ZNF800: variants seen among roughly 807,000 people sequenced by gnomAD.
The protein encoded by ZNF800 is zinc finger protein 800.
In ZNF800, 13 loss-of-function variants were observed where a neutral mutation model predicts 59.5. The observed-to-expected ratio is 0.22, with a 90% CI of 0.14 to 0.35. The LOEUF is 0.35. Ranked by LOEUF, ZNF800 falls within the 10% of genes least tolerant of loss-of-function variation. ZNF800 has a pLI of 1.00. For synonymous variants in ZNF800, 266 were observed against 265.7 expected (o/e 1.00, Z -0.01); for missense variants, 621 against 783.7 (o/e 0.79, Z 2.48).
At chr7:127,344,536 C>T (rs368889756), downstream of ZNF800, among the ~76,000 whole-genome samples, 129 of 151,522 alleles carry the variant, frequency 8.5e-4, no homozygotes, top group African/African-American at 2.5e-3. Flanking sequence ...AGCTTATCTG[C>T]GAGAATACAT....
chr7:127,375,582 G>C (rs150114187), intron 4 of ZNF800, among the ~76,000 whole-genome samples: 1 of 152,124 alleles, frequency 6.6e-6, no homozygotes, highest in African/African-American at 2.4e-5. Context: ...GGGATGATGT[G>C]TAGAAGTATT....
At chr7:127,368,477 A>G (rs1250047615), downstream of ZNF800, among the ~76,000 whole-genome samples, 5 of 152,322 alleles carry the variant, frequency 3.3e-5, no homozygotes, top group African/African-American at 1.2e-4. Flanking sequence ...AGCCATGGCT[A>G]AATCATAATC....
At position 127,370,163 on chromosome 7, in the gene ZNF800, T is replaced by C. The variant is rs1800596345; in HGVS notation, c.*1651A>G. 6.6e-6 allele frequency: 1 copy of C among 152,194 alleles called. No individual in the cohort carries two copies. 9.4% of individuals were successfully genotyped at this position (152,194 alleles called of 1,614,324 possible). A position where few individuals can be genotyped will look rare whatever the true frequency, so the allele number is the denominator to read the frequency against. ...CTATTAGTTATTAAAGTTAGATCTA[T>C]AAGTACAAATTTTCAATATGTGGGA... On this transcript the variant is annotated 3_prime_UTR_variant, in exon 6 of 6. Transcript: ENST00000265827.
At chr7:127,358,044 C>T (rs1342034830) in intron 1 of ZNF800, among the ~76,000 whole-genome samples, 2 of 151,990 alleles carry the variant, frequency 1.3e-5, no homozygotes, top group Admixed American at 1.3e-4. Flanking sequence ...ATACTAATGA[C>T]TTCTAAATCT....
rs28559728 is a variant in ZNF800, at chr7:127,373,247, G to A, written c.1994+95C>T. On this transcript the variant is annotated intron_variant, in intron 5 of 5. Transcript: ENST00000265827. Reference sequence around the variant, plus strand: ...TGCCATGAGATATATGGAAGCAAACGTGTTAAAATGGAACCAGCTATAAAT... The same window carrying A: ...TGCCATGAGATATATGGAAGCAAACATGTTAAAATGGAACCAGCTATAAAT... The A allele has an allele frequency of 6.4e-4, 959 of 1,507,216 alleles. 5 individuals carry two copies. In the African/African-American group the frequency reaches 0.011, roughly 17 times the overall value. 93.4% of individuals were successfully genotyped at this position (1,507,216 alleles called of 1,614,324 possible). A position where few individuals can be genotyped will look rare whatever the true frequency, so the allele number is the denominator to read the frequency against.
intron 1 of ZNF800, among the ~76,000 whole-genome samples, chr7:127,355,440 G>C (rs117479436): frequency 6.6e-6 from 1 of 152,056 alleles, no homozygotes; most frequent in African/African-American, 2.4e-5. Flanking sequence ...AATTAATAAC[G>C]CAATAATAAC....
chr7:127,375,920 C>T (rs1242212604), intron 4 of ZNF800, among the ~76,000 whole-genome samples: 1 of 151,890 alleles, frequency 6.6e-6, no homozygotes, highest in African/African-American at 2.4e-5. Flanking sequence ...AAGAAAAATA[C>T]TTTCACAAAA....
At chr7:127,381,222 C>T (rs1160869362) in intron 3 of ZNF800, among the ~76,000 whole-genome samples, 5 of 152,118 alleles carry the variant, frequency 3.3e-5, no homozygotes, top group Admixed American at 6.5e-5. Flanking sequence ...ATACTGCTTG[C>T]TTACTATTGG....
At chr7:127,356,185 C>A (rs976733163) in intron 1 of ZNF800, among the ~76,000 whole-genome samples, 3 of 151,866 alleles carry the variant, frequency 2.0e-5, no homozygotes, top group African/African-American at 7.3e-5. Context: ...GATGTATAAC[C>A]ACTTAACTTC....
intron 1 of ZNF800, among the ~76,000 whole-genome samples, chr7:127,354,855 T>C (rs373304167): frequency 1.3e-5 from 2 of 152,264 alleles, no homozygotes; most frequent in South Asian, 2.1e-4. Flanking sequence ...AACAGAATTA[T>C]GGCTCAATCG....
intron 3 of ZNF800, among the ~76,000 whole-genome samples, chr7:127,378,739 A>G (rs1800863281): frequency 1.3e-5 from 2 of 152,060 alleles, no homozygotes; most frequent in Admixed American, 1.3e-4. Flanking sequence ...ACAGAGAGAG[A>G]GAGAGAGGGA....
intron 1 of ZNF800, chr7:127,361,051 C>T (rs544877670): frequency 2.0e-5 from 3 of 152,158 alleles, no homozygotes; most frequent in Non-Finnish European, 4.4e-5. Context: ...TGCCTTCAAG[C>T]GCCTTTTTCA....
chr7:127,371,855 T>C (rs1220842503), intron 5 of ZNF800, 41 bp from the exon 6 acceptor site: 8 of 742,242 alleles, frequency 1.1e-5, no homozygotes, highest in Non-Finnish European at 1.7e-5. Context: ...TTGAGTTTAC[T>C]AATAAAACCT....
downstream of ZNF800, among the ~76,000 whole-genome samples, chr7:127,344,361 C>T (rs917472637): frequency 1.3e-5 from 2 of 151,940 alleles, no homozygotes; most frequent in Non-Finnish European, 2.9e-5. Context: ...TACTAAAGAA[C>T]ATTTGGAGAT....
At chr7:127,381,560 T>C (rs1205736293) in intron 3 of ZNF800, among the ~76,000 whole-genome samples, 1 of 152,100 alleles carries the variant, frequency 6.6e-6, no homozygotes, top group African/African-American at 2.4e-5. Flanking sequence ...CAAACACTTA[T>C]TGAGCACACA....
At chr7:127,355,444 T>C (rs1015670800) in intron 1 of ZNF800, among the ~76,000 whole-genome samples, 1 of 151,922 alleles carries the variant, frequency 6.6e-6, no homozygotes, top group Non-Finnish European at 1.5e-5. Context: ...AATAACGCAA[T>C]AATAACACAA....
intron 5 of ZNF800, among the ~76,000 whole-genome samples, chr7:127,372,073 TAGA>T (rs1158278946): frequency 6.6e-6 from 1 of 152,226 alleles, no homozygotes; most frequent in Non-Finnish European, 1.5e-5. Context: ...GACACAGGTA[TAGA>T]AGGTGAACTT....
At chr7:127,350,069 T>C (rs1195360494) in intron 1 of ZNF800, 1 of 152,218 alleles carries the variant, frequency 6.6e-6, no homozygotes, top group Admixed American at 6.5e-5. Context: ...CTCGCCATTG[T>C]CGTGTCAAAG....
intron 1 of ZNF800, among the ~76,000 whole-genome samples, chr7:127,348,557 A>G (rs1800114051): frequency 6.6e-6 from 1 of 152,260 alleles, no homozygotes; most frequent in Non-Finnish European, 1.5e-5. Context: ...ATGATATGGA[A>G]AAGAATTGAT....
Sources: gnomAD v4.1 joint callset for allele counts (sites outside exome capture counted in the v4.1 genomes callset) on GRCh38, gnomAD v4.1.1 for gene constraint, MANE v1.5 for transcripts, NCBI Gene and HGNC (gene_info 2026-07-23, HGNC 2026-07-21) for gene names.